The following MYT1L variants were observed in gnomAD, a reference collection of about 807,000 sequenced individuals.
MYT1L encodes the protein myelin transcription factor 1 like.
In MYT1L, 12 loss-of-function variants were observed where a neutral mutation model predicts 126.7. The observed-to-expected ratio is 0.09, with a 90% CI of 0.06 to 0.15. The LOEUF is 0.15. Among genes scored for constraint, MYT1L ranks in the 10% least tolerant of loss-of-function variants. MYT1L has a pLI of 1.00. For synonymous variants in MYT1L, 541 were observed against 604.2 expected (o/e 0.90, Z 1.53); for missense variants, 979 against 1,585.2 (o/e 0.62, Z 6.49).
At chr2:2,181,247 T>C (rs937980114) in intron 2 of MYT1L, among the ~76,000 whole-genome samples, 1 of 152,064 alleles carries the variant, frequency 6.6e-6, no homozygotes, top group Admixed American at 6.5e-5. Context: ...TATATCTGTG[T>C]GTGCACATGT....
chr2:1,974,229 C>T (rs1163220003), intron 8 of MYT1L, among the ~76,000 whole-genome samples: 2 of 152,082 alleles, frequency 1.3e-5, no homozygotes, highest in Non-Finnish European at 2.9e-5. Context: ...GGCTGGACAC[C>T]AGGTTTGAGG....
At chr2:2,189,302 TG>T (rs1024448445) in intron 2 of MYT1L, among the ~76,000 whole-genome samples, 1 of 152,174 alleles carries the variant, frequency 6.6e-6, no homozygotes, top group Non-Finnish European at 1.5e-5. Flanking sequence ...CGTGAGCCTG[TG>T]GGGGTGCCCT....
At chr2:2,037,301 T>C (rs565326901) in intron 4 of MYT1L, among the ~76,000 whole-genome samples, 32 of 152,220 alleles carry the variant, frequency 2.1e-4, no homozygotes, top group Non-Finnish European at 3.5e-4. Flanking sequence ...TTATTTCCCA[T>C]TGAATCTCTA....
chr2:2,215,646 G>T (rs1559360962), intron 2 of MYT1L, among the ~76,000 whole-genome samples: 1 of 152,152 alleles, frequency 6.6e-6, no homozygotes, highest in East Asian at 1.9e-4. Context: ...AATCAGTAAG[G>T]ATATAAGAGG....
chr2:2,156,540 C>T (rs768021686), intron 3 of MYT1L, among the ~76,000 whole-genome samples: 7 of 152,212 alleles, frequency 4.6e-5, no homozygotes, highest in African/African-American at 7.2e-5. Flanking sequence ...TGAAAAAAGT[C>T]CAGTTTAAAA....
intron 2 of MYT1L, among the ~76,000 whole-genome samples, chr2:2,245,060 A>G (rs2094507621): frequency 6.6e-6 from 1 of 152,210 alleles, no homozygotes; most frequent in Admixed American, 6.5e-5. Flanking sequence ...GCTCAGATTA[A>G]CAACACAGCA....
At chr2:2,302,226 GA>G (rs902917424) in intron 1 of MYT1L, among the ~76,000 whole-genome samples, 3 of 152,232 alleles carry the variant, frequency 2.0e-5, no homozygotes, top group Non-Finnish European at 4.4e-5. Flanking sequence ...TATTGAAATA[GA>G]AATTCATTCT....
chr2:2,004,822 T>C (rs985213996), intron 4 of MYT1L, among the ~76,000 whole-genome samples: 4 of 150,878 alleles, frequency 2.7e-5, no homozygotes, highest in Admixed American at 1.3e-4. Flanking sequence ...AGGCATTCTT[T>C]CCTGCATGTG....
intron 18 of MYT1L, among the ~76,000 whole-genome samples, chr2:1,856,332 A>C (rs749237965): frequency 2.0e-5 from 3 of 152,228 alleles, no homozygotes; most frequent in Non-Finnish European, 2.9e-5. Context: ...CTGTGTAAGA[A>C]GCGGCATTGA....
At chr2:1,840,400 G>A (rs572598202) in intron 20 of MYT1L, among the ~76,000 whole-genome samples, 2 of 152,198 alleles carry the variant, frequency 1.3e-5, no homozygotes, top group Admixed American at 1.3e-4. Context: ...TGAAACATCC[G>A]CTTGTGATGT....
chr2:2,179,393 T>C (rs2091163869), intron 2 of MYT1L, among the ~76,000 whole-genome samples: 1 of 152,174 alleles, frequency 6.6e-6, no homozygotes, highest in Non-Finnish European at 1.5e-5. Context: ...TCACCCTCCC[T>C]ACCAGACCCC....
At chr2:2,028,307 C>G (rs1384134161) in intron 4 of MYT1L, among the ~76,000 whole-genome samples, 1 of 152,186 alleles carries the variant, frequency 6.6e-6, no homozygotes, top group Non-Finnish European at 1.5e-5. Flanking sequence ...GAGCAGGAGG[C>G]TGTGGGATTG....
At chr2:1,815,066 G>A (rs1372971994) in intron 21 of MYT1L, among the ~76,000 whole-genome samples, 3 of 152,308 alleles carry the variant, frequency 2.0e-5, no homozygotes, top group African/African-American at 7.2e-5. Flanking sequence ...ATATTTTGAA[G>A]GTTGAATATA....
intron 1 of MYT1L, chr2:2,324,612 G>T (rs981545895): frequency 5.2e-5 from 8 of 152,690 alleles, no homozygotes; most frequent in African/African-American, 1.9e-4. Flanking sequence ...TGCGTACAGC[G>T]CTCTGCCGGG....
intron 13 of MYT1L, among the ~76,000 whole-genome samples, chr2:1,907,412 TA>T (rs1474251088): frequency 6.6e-6 from 1 of 152,198 alleles, no homozygotes; most frequent in Admixed American, 6.5e-5. Flanking sequence ...CCTCAGGGAA[TA>T]GCAAGAGACT....
chr2:2,274,519 C>T (rs2095322966), intron 2 of MYT1L, among the ~76,000 whole-genome samples: 1 of 152,276 alleles, frequency 6.6e-6, no homozygotes, highest in South Asian at 2.1e-4. Context: ...TATGTGAAGA[C>T]TCTTAGCCTC....
At position 1,929,187 on chromosome 2, in the gene MYT1L, C is replaced by T. The variant is rs545871005; in HGVS notation, c.506-5924G>A. On this transcript the variant is annotated intron_variant, in intron 9 of 24. Transcript: ENST00000647738. The surrounding 1 kb of genome is among the most constrained non-coding windows in gnomAD (Gnocchi z 4.7). Reference sequence around the variant, plus strand: ...GAGGGGAGAAGTCACTTTCCCAGCCCGGGTGGCCTTCAGTCGGGCACCTCT... The same window carrying T: ...GAGGGGAGAAGTCACTTTCCCAGCCTGGGTGGCCTTCAGTCGGGCACCTCT... Among the ~76,000 whole-genome samples the T allele has an allele frequency of 2.6e-4, 40 of 152,270 alleles. No individual in the cohort carries two copies. In the East Asian group the frequency reaches 4.1e-3, roughly 15 times the overall value.
intron 4 of MYT1L, among the ~76,000 whole-genome samples, chr2:2,020,904 T>C (rs960444399): frequency 1.3e-5 from 2 of 152,230 alleles, no homozygotes; most frequent in Non-Finnish European, 2.9e-5. Context: ...CCAGTTAGCA[T>C]AGCTCCAGGG....
At chr2:1,972,889 C>G (rs1000508873) in intron 8 of MYT1L, among the ~76,000 whole-genome samples, 5 of 152,234 alleles carry the variant, frequency 3.3e-5, no homozygotes, top group Admixed American at 6.5e-5. Context: ...AATGATTTGA[C>G]TCAGTGTACC....
Sources: allele counts gnomAD v4.1 joint callset (sites outside exome capture counted in the v4.1 genomes callset), GRCh38; gene constraint gnomAD v4.1.1; non-coding constraint Gnocchi (gnomAD v3.1); transcripts MANE v1.5; gene names NCBI Gene and HGNC (gene_info 2026-07-23, HGNC 2026-07-21).